HECW2: variants seen among roughly 807,000 people sequenced by gnomAD.
HECW2 encodes the protein HECT, C2 and WW domain containing E3 ubiquitin protein ligase 2.
A neutral mutation model predicts 175.2 loss-of-function variants in HECW2; 61 were observed. The ratio of observed to expected loss-of-function variants is 0.35; its 90% CI spans 0.28 to 0.43. The LOEUF is 0.43. HECW2 is among the 20% of genes least tolerant of loss of function. The pLI, the probability that HECW2 is intolerant of heterozygous loss-of-function variation, is 1.00. For missense variants in HECW2, 1,524 were observed against 2,000.5 expected, an observed-to-expected ratio of 0.76 and a Z score of 4.54; for synonymous variants, 671 against 731.0, an observed-to-expected ratio of 0.92 and a Z score of 1.32.
chr2:196,226,696 C>CT (rs11378207), intron 22 of HECW2, among the ~76,000 whole-genome samples: 150,339 of 152,300 alleles, frequency 0.99, 74,232 homozygotes, highest in East Asian at 1. Context: ...CAGAATTTCT[C>CT]AATACAAACT....
rs753420806 is a variant in HECW2, at chr2:196,318,762, C to T, written c.2128G>A (p.Val710Ile). Residue 710 changes from valine to isoleucine, a missense_variant, in exon 9 of 29, where the codon GTA becomes ATA. By Grantham distance (29) the Val-to-Ile change is conservative. Transcript: ENST00000644978. Reference sequence around the variant, plus strand: ...TCATCCTCCCCACTGGGCACCTGTACCACAGGTAAAGAACCAGCAGTGCAC... The same window carrying T: ...TCATCCTCCCCACTGGGCACCTGTATCACAGGTAAAGAACCAGCAGTGCAC... ...SVCTAGSLPV[V>I]QVPSGEDEGP... The T allele has an allele frequency of 1.3e-6, 2 of 1,527,446 alleles. No individual in the cohort carries two copies. The highest frequency in any genetic ancestry group is 2.6e-5 in the South Asian group (2 of 76,792). 94.6% of individuals were successfully genotyped at this position (1,527,446 alleles called of 1,614,324 possible). A position where few individuals can be genotyped will look rare whatever the true frequency, so the allele number is the denominator to read the frequency against.
At chr2:196,486,602 G>C (rs1222842678) in intron 1 of HECW2, among the ~76,000 whole-genome samples, 3 of 152,172 alleles carry the variant, frequency 2.0e-5, no homozygotes. Flanking sequence ...CCCTCCCCTG[G>C]AAGAGACAGA....
intron 13 of HECW2, among the ~76,000 whole-genome samples, chr2:196,294,646 G>A (rs1690739723): frequency 6.6e-6 from 1 of 152,124 alleles, no homozygotes; most frequent in Non-Finnish European, 1.5e-5. Context: ...TTCGTTATTA[G>A]GGATCAAAGA....
intron 14 of HECW2, among the ~76,000 whole-genome samples, chr2:196,283,106 C>T (rs994066291): frequency 1.3e-5 from 2 of 151,316 alleles, no homozygotes; most frequent in African/African-American, 4.9e-5. Flanking sequence ...TAAAAATATA[C>T]AAAAAGTTAG....
At position 196,200,240 on chromosome 2, in the gene HECW2, A is replaced by G. The variant is rs972229646; in HGVS notation, c.*1037T>C. On this transcript the variant is annotated 3_prime_UTR_variant, in exon 29 of 29. Transcript: ENST00000644978. ...TTTGATTTAGAAGCTATTTTCTATT[A>G]TACTTCTCAAGTGATGGAGTTGCTG... is the stretch of plus-strand genomic sequence containing the variant. 5.2e-5 allele frequency: 8 copies of G among 152,594 alleles called. No homozygotes were observed. Among genetic ancestry groups the G allele is most frequent in the African/African-American group, 1.9e-4 (8 of 41,460 alleles). 9.5% of individuals were successfully genotyped at this position (152,594 alleles called of 1,614,324 possible). A position where few individuals can be genotyped will look rare whatever the true frequency, so the allele number is the denominator to read the frequency against.
At chr2:196,387,652 A>T (rs570416984) in intron 2 of HECW2, among the ~76,000 whole-genome samples, 4 of 152,330 alleles carry the variant, frequency 2.6e-5, no homozygotes, top group Non-Finnish European at 5.9e-5. Context: ...TATTAAAAAC[A>T]TACTCTTGAA....
chr2:196,374,883 C>T (rs1305210341), intron 2 of HECW2, among the ~76,000 whole-genome samples: 1 of 151,204 alleles, frequency 6.6e-6, no homozygotes, highest in Non-Finnish European at 1.5e-5. Context: ...CTAGTTTTGG[C>T]CGGGCGCAGT....
chr2:196,323,419 G>A (rs916401068), intron 6 of HECW2, among the ~76,000 whole-genome samples: 17 of 152,272 alleles, frequency 1.1e-4, no homozygotes, highest in Admixed American at 3.3e-4. Flanking sequence ...GATGGTGCCA[G>A]GAATCTAACC....
intron 1 of HECW2, among the ~76,000 whole-genome samples, chr2:196,477,006 G>C (rs1281641843): frequency 6.6e-6 from 1 of 150,382 alleles, no homozygotes; most frequent in Non-Finnish European, 1.5e-5. Context: ...AGCCAGGCGT[G>C]GTGGCACACA....
intron 15 of HECW2, 60 bp downstream of exon 15, chr2:196,278,468 C>A: frequency 6.6e-7 from 1 of 1,508,932 alleles, no homozygotes; most frequent in South Asian, 1.3e-5. Flanking sequence ...ATTCCTCAAA[C>A]CATCACATAC....
At position 196,278,508 on chromosome 2, in the gene HECW2, C is replaced by A; in HGVS notation, c.3135+20G>T. On this transcript the variant is annotated intron_variant, in intron 15 of 28. Coordinates refer to ENST00000644978, the MANE Select transcript of HECW2 (RefSeq NM_001348768.2). ...AGCTTCTATCAACCAACAGGTCAGT[C>A]CCCAAAACGCATGACTCACCTCACC... is the stretch of plus-strand genomic sequence containing the variant. The A allele has an allele frequency of 6.2e-7, 1 of 1,612,032 alleles. No homozygotes were observed. The highest frequency in any genetic ancestry group is 1.7e-5 in the Admixed American group (1 of 59,954).
chr2:196,381,369 T>C (rs912213871), intron 2 of HECW2, among the ~76,000 whole-genome samples: 1 of 152,196 alleles, frequency 6.6e-6, no homozygotes, highest in African/African-American at 2.4e-5. Flanking sequence ...CATTTCATAA[T>C]GCTTTGGTGC....
chr2:196,275,677 G>A (rs758325012), intron 15 of HECW2, among the ~76,000 whole-genome samples: 15 of 152,110 alleles, frequency 9.9e-5, no homozygotes, highest in Admixed American at 4.6e-4. Flanking sequence ...TCTTGAACCC[G>A]GGAGGTGGTG....
At position 196,254,972 on chromosome 2, in the gene HECW2, C is replaced by CT. The variant is rs10587104; in HGVS notation, c.3420-944dup. Among the ~76,000 whole-genome samples, 78 of 120,468 alleles carry CT rather than the reference C, an allele frequency of 6.5e-4. 2 individuals are homozygous for CT. In the East Asian group the frequency reaches 8.8e-3, roughly 14 times the overall value. The allele number at this position is 120,468 out of a possible 152,430, so 79.0% of individuals were successfully genotyped here. On this transcript the variant is annotated intron_variant, in intron 18 of 28. Coordinates refer to ENST00000644978, the MANE Select transcript of HECW2 (RefSeq NM_001348768.2). ...CTTTATGTATCCACAATCTGGTTTC[C>CT]TTTTTTTTTTTTTTTTTCTGAGACA...
At chr2:196,416,698 G>A (rs1559098159) in intron 2 of HECW2, among the ~76,000 whole-genome samples, 1 of 152,222 alleles carries the variant, frequency 6.6e-6, no homozygotes, top group Non-Finnish European at 1.5e-5. Flanking sequence ...AAGAGGGAAC[G>A]TGAAATATAC....
intron 1 of HECW2, among the ~76,000 whole-genome samples, chr2:196,487,835 G>C (rs894977940): frequency 6.6e-6 from 1 of 152,162 alleles, no homozygotes; most frequent in African/African-American, 2.4e-5. Context: ...GTATTCCCAA[G>C]GGTACAGTAT....
intron 2 of HECW2, among the ~76,000 whole-genome samples, chr2:196,388,333 G>A (rs1338599345): frequency 1.3e-5 from 2 of 152,098 alleles, no homozygotes; most frequent in African/African-American, 2.4e-5. Context: ...TGTACAAAAC[G>A]TCATTTCTAG....
rs1686727260 is a variant in HECW2 at position 196,197,410 on chromosome 2, ATTATC to A, written c.*3862_*3866del. The A allele has an allele frequency of 6.6e-6, 1 of 151,566 alleles. No individual in the cohort carries two copies. The highest frequency in any genetic ancestry group is 2.1e-4 in the South Asian group (1 of 4,788). 9.4% of individuals were successfully genotyped at this position (151,566 alleles called of 1,614,324 possible). On this transcript the variant is annotated 3_prime_UTR_variant, in exon 29 of 29. Coordinates refer to ENST00000644978, the MANE Select transcript of HECW2 (RefSeq NM_001348768.2). The stretch of plus-strand genomic sequence containing the variant: ...ATAAGGCTTCTGATTAATGTTTTCC[ATTATC>A]TTGTTTCCAAATAATACTTGAGAAA...
chr2:196,466,202 T>A (rs1456596622), intron 1 of HECW2, among the ~76,000 whole-genome samples: 1 of 152,244 alleles, frequency 6.6e-6, no homozygotes, highest in African/African-American at 2.4e-5. Flanking sequence ...TATTAATATT[T>A]GGCTCCAGAG....
Sources: gnomAD v4.1 joint callset for allele counts (sites outside exome capture counted in the v4.1 genomes callset) on GRCh38, gnomAD v4.1.1 for gene constraint, MANE v1.5 for transcripts, NCBI Gene and HGNC (gene_info 2026-07-23, HGNC 2026-07-21) for gene names.